Variants in MYT1L observed in about 807,000 individuals in gnomAD.
MYT1L encodes the protein myelin transcription factor 1-like protein.
Under a neutral mutation model 126.7 loss-of-function variants are expected in MYT1L, and 12 were observed. The ratio of observed to expected loss-of-function variants is 0.09; its 90% confidence interval spans 0.06 to 0.15. The LOEUF is 0.15. MYT1L is among the 10% of genes least tolerant of loss of function. The pLI is 1.00. For missense variants in MYT1L, 979 were observed against 1,585.2 expected (o/e 0.62, Z 6.49); for synonymous variants, 541 against 604.2 (o/e 0.90, Z 1.53).
At chr2:2,150,933 T>A (rs1213288797) in intron 3 of MYT1L, among the ~76,000 whole-genome samples, 1 of 130,016 alleles carries the variant, frequency 7.7e-6, no homozygotes. Context: ...GGGAGGGAGA[T>A]GGAGGGAAGA....
chr2:2,098,105 C>G (rs562755515), intron 3 of MYT1L, among the ~76,000 whole-genome samples: 6 of 152,250 alleles, frequency 3.9e-5, no homozygotes, highest in Non-Finnish European at 8.8e-5. Context: ...CCTGCAGAAC[C>G]ATGAGCCAAT....
intron 19 of MYT1L, chr2:1,841,600 C>G (rs1046922760): frequency 6.6e-6 from 1 of 152,246 alleles, no homozygotes; most frequent in Admixed American, 6.5e-5. Flanking sequence ...GGGAGAGAAA[C>G]TGGTCCACCG....
At chr2:1,809,220 T>C (rs2036196098) in intron 21 of MYT1L, 53 bp from the exon 22 acceptor site, 7 of 1,518,522 alleles carry the variant, frequency 4.6e-6, no homozygotes, top group Non-Finnish European at 4.6e-6. Flanking sequence ...GTCCCAGCCC[T>C]GCAGGGAAGT....
rs995223204 is a variant in MYT1L, at chr2:1,801,439, C to G, written c.3276+257G>C. The G allele has an allele frequency of 2.7e-6, 1 of 370,570 alleles. No homozygotes were observed. Among genetic ancestry groups the G allele is most frequent in the African/African-American group, 2.1e-5 (1 of 47,914 alleles). 23.0% of individuals were successfully genotyped at this position (370,570 alleles called of 1,614,324 possible). Reference sequence around the variant, plus strand: ...GGAACAGGCGATCCTCTGAAAATGCCTATTCACAAATGCACTTTATTAAAA... The same window carrying G: ...GGAACAGGCGATCCTCTGAAAATGCGTATTCACAAATGCACTTTATTAAAA... On this transcript the variant is annotated intron_variant, in intron 23 of 24. Coordinates refer to ENST00000647738, the MANE Select transcript of MYT1L (RefSeq NM_001303052.2). The surrounding 1 kb of genome is among the most constrained non-coding windows in gnomAD (Gnocchi z 4.2).
chr2:1,868,327 C>T (rs1573028493), intron 18 of MYT1L, among the ~76,000 whole-genome samples: 1 of 152,150 alleles, frequency 6.6e-6, no homozygotes, highest in Non-Finnish European at 1.5e-5. Flanking sequence ...TTTCATAGAA[C>T]CTGCACTTGC....
intron 9 of MYT1L, among the ~76,000 whole-genome samples, chr2:1,934,667 C>G (rs76764543): frequency 2.6e-5 from 4 of 151,910 alleles, no homozygotes; most frequent in African/African-American, 9.7e-5. Flanking sequence ...GTCTCTGTCT[C>G]TCTGTCTGTC....
At chr2:2,272,509 C>G (rs2095283194) in intron 2 of MYT1L, among the ~76,000 whole-genome samples, 1 of 152,118 alleles carries the variant, frequency 6.6e-6, no homozygotes, top group African/African-American at 2.4e-5. Flanking sequence ...GAGTAGAAAA[C>G]AAAACAAACT....
At chr2:2,231,499 A>AC (rs2094160819) in intron 2 of MYT1L, among the ~76,000 whole-genome samples, 1 of 152,066 alleles carries the variant, frequency 6.6e-6, no homozygotes, top group Non-Finnish European at 1.5e-5. Flanking sequence ...GTGCAGTGGC[A>AC]CAAACACAGC....
chr2:2,239,555 C>T (rs998337205), intron 2 of MYT1L, among the ~76,000 whole-genome samples: 3 of 152,206 alleles, frequency 2.0e-5, no homozygotes, highest in African/African-American at 4.8e-5. Context: ...ACTCTGAAGT[C>T]GGGATGGGCA....
intron 4 of MYT1L, among the ~76,000 whole-genome samples, chr2:2,053,609 C>G (rs746027870): frequency 2.0e-5 from 3 of 151,942 alleles, no homozygotes; most frequent in Non-Finnish European, 4.4e-5. Flanking sequence ...ATAAAATATC[C>G]CAAAATAGAA....
chr2:2,293,831 G>A (rs2095634486), intron 1 of MYT1L, among the ~76,000 whole-genome samples: 1 of 152,100 alleles, frequency 6.6e-6, no homozygotes. Flanking sequence ...GGAAAGATGT[G>A]GGACGAGATC....
intron 11 of MYT1L, among the ~76,000 whole-genome samples, chr2:1,916,707 G>T (rs979727605): frequency 6.6e-6 from 1 of 152,114 alleles, no homozygotes; most frequent in Non-Finnish European, 1.5e-5. Flanking sequence ...AGACAACTAT[G>T]ACATGAGACA....
chr2:2,260,104 A>G (rs918512559), intron 2 of MYT1L, among the ~76,000 whole-genome samples: 14 of 152,144 alleles, frequency 9.2e-5, no homozygotes, highest in Non-Finnish European at 1.6e-4. Context: ...GTGTTTTCAG[A>G]TGCACTCACC....
intron 3 of MYT1L, among the ~76,000 whole-genome samples, chr2:2,066,588 G>C (rs1031566002): frequency 1.3e-5 from 2 of 152,220 alleles, no homozygotes; most frequent in African/African-American, 2.4e-5. Flanking sequence ...AATTCCAGGA[G>C]AGGCTATGGG....
At chr2:2,325,853 G>A (rs929808301) in intron 1 of MYT1L, 2 of 152,260 alleles carry the variant, frequency 1.3e-5, no homozygotes, top group Non-Finnish European at 1.5e-5. Flanking sequence ...GCGTTCACAC[G>A]CCTAACCAAG....
rs2034873982 is a variant in MYT1L, at chr2:1,801,587, G to C, written c.3276+109C>G. Reference sequence around the variant, plus strand: ...AGGTGGAAAAATAAAGGAAATAAAAGAGCAAATAAGAGGAAACGACAGCTC... The same window carrying C: ...AGGTGGAAAAATAAAGGAAATAAAACAGCAAATAAGAGGAAACGACAGCTC... On this transcript the variant is annotated intron_variant, in intron 23 of 24. Coordinates refer to ENST00000647738, the MANE Select transcript of MYT1L (RefSeq NM_001303052.2). This position sits in a 1 kb window ranked among gnomAD's most constrained non-coding sequence, Gnocchi z 4.2. 3 of 701,314 alleles carry C rather than the reference G, an allele frequency of 4.3e-6. No individual in the cohort carries two copies. Among genetic ancestry groups the C allele is most frequent in the Non-Finnish European group, 7.5e-6 (3 of 401,840 alleles). 43.4% of individuals were successfully genotyped at this position (701,314 alleles called of 1,614,324 possible). A position where few individuals can be genotyped will look rare whatever the true frequency, so the allele number is the denominator to read the frequency against.
intron 5 of MYT1L, among the ~76,000 whole-genome samples, chr2:1,995,928 A>C (rs1162095019): frequency 6.6e-6 from 1 of 152,184 alleles, no homozygotes; most frequent in Non-Finnish European, 1.5e-5. Context: ...TGTTTCTTAG[A>C]ATCCAAGATG....
chr2:1,963,236 AT>A (rs1464606627), intron 8 of MYT1L, among the ~76,000 whole-genome samples: 7 of 152,074 alleles, frequency 4.6e-5, no homozygotes, highest in African/African-American at 9.7e-5. Context: ...ATGAAAGAAA[AT>A]TTTTTTTCCC....
intron 8 of MYT1L, among the ~76,000 whole-genome samples, chr2:1,944,984 A>T (rs1043999204): frequency 6.6e-6 from 1 of 152,214 alleles, no homozygotes; most frequent in African/African-American, 2.4e-5. Context: ...AGATATGTAA[A>T]GGATGTCTGG....
Sources: gnomAD v4.1 joint callset for allele counts (sites outside exome capture counted in the v4.1 genomes callset) on GRCh38, gnomAD v4.1.1 for gene constraint, Gnocchi (gnomAD v3.1) non-coding constraint, MANE v1.5 for transcripts, NCBI Gene and HGNC (gene_info 2026-07-23, HGNC 2026-07-21) for gene names.